LGALS1: variants seen among roughly 807,000 people sequenced by gnomAD.
LGALS1 encodes the protein galectin-1.
In LGALS1, 14 loss-of-function variants were observed where a neutral mutation model predicts 14.4. That is an observed-to-expected ratio of 0.97 (90% CI 0.64 to 1.52). The LOEUF is 1.52. Ranked by LOEUF, LGALS1 falls within the 40% of genes most tolerant of loss-of-function variation. The pLI, the probability that LGALS1 is intolerant of heterozygous loss-of-function variation, is 0.00. For missense variants in LGALS1, 170 were observed against 181.4 expected (o/e 0.94, Z 0.36); for synonymous variants, 71 against 73.4 (o/e 0.97, Z 0.17).
rs12403 is a variant in LGALS1 at position 37,675,700 on chromosome 22, A to G, written c.-3A>G. ...GCCCGGGAACATCCTCCTGGACTCAATCATGGCTTGTGTGAGTGTGGGGAC... is the reference window on the plus strand; with the variant it reads ...GCCCGGGAACATCCTCCTGGACTCAGTCATGGCTTGTGTGAGTGTGGGGAC... On this transcript the variant is annotated 5_prime_UTR_variant, in exon 1 of 4. Coordinates refer to ENST00000215909, the MANE Select transcript of LGALS1 (RefSeq NM_002305.4). The G allele has an allele frequency of 0.066, 102,091 of 1,546,178 alleles. 3,660 individuals are homozygous for G. Among genetic ancestry groups the G allele is most frequent in the South Asian group, 0.091 (7,567 of 83,606 alleles).
At chr22:37,678,291 A>G (rs985983125) in intron 2 of LGALS1, 192 bp from the exon 3 acceptor site, 2 of 717,484 alleles carry the variant, frequency 2.8e-6, no homozygotes, top group African/African-American at 3.5e-5. Flanking sequence ...TGCAGCCCCC[A>G]TTGTACAGAT....
intron 1 of LGALS1, chr22:37,676,088 C>G (rs1056304039): frequency 1.1e-5 from 2 of 186,030 alleles, no homozygotes; most frequent in Admixed American, 1.2e-4. Context: ...CCCCCTGCAG[C>G]TGTCCCGGTC....
Position 37,679,614 on chromosome 22 carries a change from C to T in LGALS1, c.273C>T (p.Thr91=), listed in dbSNP as rs375421612. The T allele has an allele frequency of 5.0e-6, 8 of 1,606,320 alleles. No individual in the cohort carries two copies. The highest frequency in any genetic ancestry group is 5.9e-6 in the Non-Finnish European group (7 of 1,177,258). Residue 91 remains threonine (T), a synonymous_variant, in exon 4 of 4, where the codon ACC becomes ACT. Coordinates refer to ENST00000215909, the MANE Select transcript of LGALS1 (RefSeq NM_002305.4). ...TCCTCTACCCCCAGGTGTGCATCAC[C>T]TTCGACCAGGCCAACCTGACCGTCA... The part of the protein sequence containing the change: ...QPGSVAEVCI[T]FDQANLTVKL...
At position 37,678,662 on chromosome 22, in the gene LGALS1, G is replaced by A. The variant is rs748627854; in HGVS notation, c.261+8G>A. On this transcript the variant is annotated splice_region_variant and intron_variant, in intron 3 of 3. Coordinates refer to ENST00000215909, the MANE Select transcript of LGALS1 (RefSeq NM_002305.4). Reference sequence around the variant, plus strand: ...CCTGGAAGTGTTGCAGAGGTGGGCTGCAGACCGGAACCGGGGACCAGGGAC... The same window carrying A: ...CCTGGAAGTGTTGCAGAGGTGGGCTACAGACCGGAACCGGGGACCAGGGAC... 3 of 1,213,542 alleles carry A rather than the reference G, an allele frequency of 2.5e-6. No homozygotes were observed. The highest frequency in any genetic ancestry group is 3.3e-6 in the Non-Finnish European group (3 of 898,686). The allele number at this position is 1,213,542 out of a possible 1,614,324, so 75.2% of individuals were successfully genotyped here. A position where few individuals can be genotyped will look rare whatever the true frequency, so the allele number is the denominator to read the frequency against.
At chr22:37,677,114 G>A (rs1355621572) in intron 2 of LGALS1, 49 bp downstream of exon 2, 1 of 1,581,668 alleles carries the variant, frequency 6.3e-7, no homozygotes, top group East Asian at 2.2e-5. Context: ...GCTTGGTCCA[G>A]CAGGGAGGGC....
intron 2 of LGALS1, 56 bp from the exon 3 acceptor site, chr22:37,678,427 G>A (rs9622682): frequency 0.44 from 698,546 of 1,582,550 alleles, 156,039 homozygotes; most frequent in African/African-American, 0.63. Flanking sequence ...CAGATTAGTC[G>A]GTCAGTGGGG....
intron 2 of LGALS1, 39 bp downstream of exon 2, chr22:37,677,104 G>A (rs773860460): frequency 1.9e-6 from 3 of 1,600,826 alleles, no homozygotes; most frequent in Admixed American, 1.7e-5. Flanking sequence ...GCAGGGACGG[G>A]CTTGGTCCAG....
In LGALS1 at chr22:37,679,668, C is replaced by T. The variant is rs748046945; in HGVS notation, c.327C>T (p.Phe109=). ...TGCCAGATGGATACGAATTCAAGTTCCCCAACCGCCTCAACCTGGAGGCCA... is the reference window on the plus strand; with the variant it reads ...TGCCAGATGGATACGAATTCAAGTTTCCCAACCGCCTCAACCTGGAGGCCA... ...VKLPDGYEFK[F]PNRLNLEAIN... is the part of the protein sequence containing the mutation. Residue 109 remains phenylalanine (F), a synonymous_variant, in exon 4 of 4, where the codon TTC becomes TTT. Transcript: ENST00000215909. 6.2e-7 allele frequency: 1 copy of T among 1,610,700 alleles called. No homozygotes were observed. The highest frequency in any genetic ancestry group is 8.5e-7 in the Non-Finnish European group (1 of 1,178,858).
At chr22:37,679,041 G>A (rs1013919222) in intron 3 of LGALS1, among the ~76,000 whole-genome samples, 15 of 151,174 alleles carry the variant, frequency 9.9e-5, no homozygotes, top group Admixed American at 2.0e-4. Context: ...TGAGGCAGGA[G>A]AATTGGTTGA....
At chr22:37,678,385 C>A in intron 2 of LGALS1, 98 bp from the exon 3 acceptor site, 1 of 1,354,390 alleles carries the variant, frequency 7.4e-7, no homozygotes, top group Non-Finnish European at 1.0e-6. Context: ...GTGAGTTCTT[C>A]CAGCAAGGTG....
chr22:37,679,516 T>G, intron 3 of LGALS1, 87 bp from the exon 4 acceptor site: 1 of 1,221,254 alleles, frequency 8.2e-7, no homozygotes, highest in Non-Finnish European at 1.1e-6. Context: ...AGCCACAAAC[T>G]GGGGCTGTGT....
chr22:37,675,653 T>G lies in LGALS1; in HGVS notation c.-50T>G. On this transcript the variant is annotated 5_prime_UTR_variant, in exon 1 of 4. Coordinates refer to ENST00000215909, the MANE Select transcript of LGALS1 (RefSeq NM_002305.4). The stretch of plus-strand genomic sequence containing the variant: ...GGGGGCCCATCTCTCTCGGGTGGAG[T>G]CTTCTGACAGCTGGTGCGCCTGCCC... The G allele has an allele frequency of 1.3e-6, 2 of 1,544,872 alleles. No individual in the cohort carries two copies. Among genetic ancestry groups the G allele is most frequent in the Non-Finnish European group, 1.7e-6 (2 of 1,144,712 alleles).
chr22:37,677,197 T>G, intron 2 of LGALS1, 132 bp downstream of exon 2: 1 of 866,496 alleles, frequency 1.2e-6, no homozygotes, highest in Non-Finnish European at 1.8e-6. Context: ...CTGCGTTTTC[T>G]GGGTGACTCA....
chr22:37,679,061 G>A (rs1214264694), intron 3 of LGALS1, among the ~76,000 whole-genome samples: 1 of 151,364 alleles, frequency 6.6e-6, no homozygotes, highest in Non-Finnish European at 1.5e-5. Context: ...AACCCGGGAG[G>A]CGGAGGTTGC....
Position 37,676,974 on chromosome 22 carries a change from T to C in LGALS1, c.10-12T>C. 6.2e-7 allele frequency: 1 copy of C among 1,613,748 alleles called. No homozygotes were observed. The highest frequency in any genetic ancestry group is 8.5e-7 in the Non-Finnish European group (1 of 1,179,846). On this transcript the variant is annotated splice_polypyrimidine_tract_variant and intron_variant, in intron 1 of 3. Coordinates refer to ENST00000215909, the MANE Select transcript of LGALS1 (RefSeq NM_002305.4). ...TCCTCTAACCCGGCTGGGCCGGGGC[T>C]TGTCTGTGCAGGGTCTGGTCGCCAG...
chr22:37,677,207 AC>A, intron 2 of LGALS1, 142 bp downstream of exon 2: 1 of 794,398 alleles, frequency 1.3e-6, no homozygotes, highest in South Asian at 1.7e-5. Context: ...TGGGTGACTC[AC>A]TTCCCCCGCA....
At chr22:37,677,370 A>T in intron 2 of LGALS1, 1 of 369,786 alleles carries the variant, frequency 2.7e-6, no homozygotes, top group Non-Finnish European at 5.1e-6. Context: ...GTCGCTGGGG[A>T]GGGCGGGGAG....
chr22:37,677,212 C>T, intron 2 of LGALS1, 147 bp downstream of exon 2: 1 of 765,808 alleles, frequency 1.3e-6, no homozygotes, highest in South Asian at 1.7e-5. Context: ...GACTCACTTC[C>T]CCCGCAGGGT....
chr22:37,677,250 T>C (rs1921465208), intron 2 of LGALS1, 185 bp downstream of exon 2: 4 of 604,854 alleles, frequency 6.6e-6, no homozygotes, highest in South Asian at 3.8e-5. Flanking sequence ...TGCCGCCCCC[T>C]CCCCCGCTCC....
Sources: gnomAD v4.1 joint callset for allele counts (sites outside exome capture counted in the v4.1 genomes callset) on GRCh38, gnomAD v4.1.1 for gene constraint, MANE v1.5 for transcripts, NCBI Gene and HGNC (gene_info 2026-07-23, HGNC 2026-07-21) for gene names.